The following KIF20B variants were observed in gnomAD, a reference collection of about 807,000 sequenced individuals.
KIF20B encodes kinesin-like protein KIF20B.
In KIF20B, 188 loss-of-function variants were observed where a neutral mutation model predicts 232.5. The ratio of observed to expected loss-of-function variants is 0.81; its 90% CI spans 0.72 to 0.91. KIF20B has a LOEUF of 0.91. Among genes scored for constraint, KIF20B ranks in the 40% least tolerant of loss-of-function variants. The pLI is 0.00. For missense variants in KIF20B, 2,154 were observed against 2,055.9 expected, an observed-to-expected ratio of 1.05 and a Z score of -0.92; for synonymous variants, 712 against 683.0, an observed-to-expected ratio of 1.04 and a Z score of -0.66.
chr10:89,703,563 C>G (rs1025603974), intron 1 of KIF20B, among the ~76,000 whole-genome samples: 2 of 152,098 alleles, frequency 1.3e-5, no homozygotes, highest in Non-Finnish European at 2.9e-5. Context: ...ATCATAGAAA[C>G]TCTCAAGGGC....
chr10:89,745,786 C>CTA, intron 22 of KIF20B, 113 bp from the exon 23 acceptor site: 1 of 683,100 alleles, frequency 1.5e-6, no homozygotes, highest in East Asian at 2.8e-5. Context: ...GGTATACCAG[C>CTA]TATATAGGAG....
intron 29 of KIF20B, among the ~76,000 whole-genome samples, chr10:89,763,929 GT>G (rs1215873509): frequency 1.3e-5 from 2 of 148,388 alleles, no homozygotes; most frequent in Non-Finnish European, 3.0e-5. Flanking sequence ...AAGTTTTAGG[GT>G]ACATGTGCAC....
In KIF20B at chr10:89,741,760, C is replaced by T. The variant is rs577587542; in HGVS notation, c.3916-2048C>T. 9.2e-5 allele frequency among the ~76,000 whole-genome samples: 14 copies of T among 152,244 alleles called. No homozygotes were observed. The South Asian group carries it at 2.9e-3, about 32-fold the overall frequency. On this transcript the variant is annotated intron_variant, in intron 21 of 32. Coordinates refer to ENST00000371728, the MANE Select transcript of KIF20B (RefSeq NM_001284259.2). ...AGGAATAAACAGTTCAATTGCAGGT[C>T]ATTCTGAGTAGTGGGTCAAAAGCTT...
chr10:89,725,296 A>T (rs1202725974), intron 15 of KIF20B, 138 bp downstream of exon 15: 2 of 802,958 alleles, frequency 2.5e-6, no homozygotes, highest in East Asian at 5.6e-5. Context: ...ATAATTAGGC[A>T]TGTTTTTTTA....
intron 27 of KIF20B, among the ~76,000 whole-genome samples, chr10:89,759,590 A>G (rs1481474738): frequency 6.6e-6 from 1 of 152,136 alleles, no homozygotes. Context: ...TTGTTTAATA[A>G]TATATCCTAG....
At chr10:89,718,438 G>A (rs1842980709) in intron 11 of KIF20B, among the ~76,000 whole-genome samples, 1 of 152,192 alleles carries the variant, frequency 6.6e-6, no homozygotes, top group African/African-American at 2.4e-5. Flanking sequence ...TTGAGCCTAA[G>A]ATGTTGAGGC....
At chr10:89,718,329 G>A (rs1842978119) in intron 11 of KIF20B, among the ~76,000 whole-genome samples, 3 of 151,836 alleles carry the variant, frequency 2.0e-5, no homozygotes, top group Admixed American at 2.0e-4. Context: ...TTCAAGACCA[G>A]CCTCATCTCT....
rs1419734004 is a variant in KIF20B, at chr10:89,772,562, G to A, written c.5243-127G>A. ...CATGCCCTTTCACCATATATATATT[G>A]CAGTGTTTTTAGTTTGTGTATGTTC... On this transcript the variant is annotated intron_variant, in intron 31 of 32. Coordinates refer to ENST00000371728, the MANE Select transcript of KIF20B (RefSeq NM_001284259.2). The A allele has an allele frequency of 5.7e-6, 3 of 527,684 alleles. No individual in the cohort carries two copies. In the East Asian group the frequency reaches 9.4e-5, roughly 17 times the overall value. 32.7% of individuals were successfully genotyped at this position (527,684 alleles called of 1,614,324 possible). A position where few individuals can be genotyped will look rare whatever the true frequency, so the allele number is the denominator to read the frequency against.
In KIF20B at chr10:89,705,345, T is replaced by C. The variant is rs1842700862; in HGVS notation, c.51T>C (p.Phe17=). Residue 17 remains phenylalanine (F), a synonymous_variant, in exon 2 of 33, where the codon TTT becomes TTC. Transcript: ENST00000371728. ...GAGTACCTCGACCATCTTATGTTTT[T>C]AGTGCTGACCCAATTGCAAGGCCTT... The part of the protein sequence containing the change: ...QEGVPRPSYV[F]SADPIARPSE... 6.2e-7 allele frequency: 1 copy of C among 1,613,948 alleles called. No individual in the cohort carries two copies. The highest frequency in any genetic ancestry group is 1.3e-5 in the African/African-American group (1 of 74,936).
In KIF20B at chr10:89,738,244, C is replaced by T; in HGVS notation, c.3403C>T (p.Leu1135Phe). Reference sequence around the variant, plus strand: ...AGAATTGCAAGAAAAAAATGTTACTCTTGATGTTCAAATACAGCATGTAGT... The same window carrying T: ...AGAATTGCAAGAAAAAAATGTTACTTTTGATGTTCAAATACAGCATGTAGT... ...KEELQEKNVT[L>F]DVQIQHVVEG... Residue 1135 changes from leucine to phenylalanine, a missense_variant, in exon 20 of 33, where the codon CTT (leucine) becomes TTT (phenylalanine). Leu to Phe is a conservative substitution (Grantham distance 22). Transcript: ENST00000371728. The T allele has an allele frequency of 6.2e-7, 1 of 1,606,596 alleles. No homozygotes were observed. The highest frequency in any genetic ancestry group is 1.3e-5 in the African/African-American group (1 of 74,332).
chr10:89,709,080 T>G (rs1842785177), intron 2 of KIF20B, 87 bp from the exon 3 acceptor site: 1 of 832,840 alleles, frequency 1.2e-6, no homozygotes. Context: ...CAGATTATTA[T>G]GTAAAAAGTA....
At chr10:89,704,002 C>T (rs950964477) in intron 1 of KIF20B, among the ~76,000 whole-genome samples, 2 of 152,148 alleles carry the variant, frequency 1.3e-5, no homozygotes, top group African/African-American at 4.8e-5. Flanking sequence ...CCACCCACCT[C>T]GGCCTCCCAA....
intron 1 of KIF20B, among the ~76,000 whole-genome samples, chr10:89,702,718 T>C (rs1842636953): frequency 1.3e-5 from 2 of 151,838 alleles, no homozygotes; most frequent in Non-Finnish European, 2.9e-5. Flanking sequence ...TCTTGGAGCC[T>C]GCTGTCACGA....
At chr10:89,761,040 T>G (rs371166490) in intron 28 of KIF20B, among the ~76,000 whole-genome samples, 5 of 152,208 alleles carry the variant, frequency 3.3e-5, no homozygotes, top group African/African-American at 1.2e-4. Flanking sequence ...TAATTTGTAT[T>G]GGGCTTAGGG....
chr10:89,762,557 G>C, intron 28 of KIF20B, 81 bp from the exon 29 acceptor site: 1 of 1,032,692 alleles, frequency 9.7e-7, no homozygotes, highest in Non-Finnish European at 1.4e-6. Context: ...GTCTTGGATA[G>C]GCATTTGAGA....
chr10:89,762,634 G>C lies in KIF20B; in HGVS notation c.4792-4G>C, dbSNP rs760455212. The stretch of plus-strand genomic sequence containing the variant: ...AATATTTTTCCTTTTACATTCTGTT[G>C]TAGGATGGATCTGTAGTCCTTGACT... On this transcript the variant is annotated splice_region_variant and splice_polypyrimidine_tract_variant and intron_variant, in intron 28 of 32. Transcript: ENST00000371728. 2.5e-6 allele frequency: 4 copies of C among 1,606,252 alleles called. No individual in the cohort carries two copies. Among genetic ancestry groups the C allele is most frequent in the African/African-American group, 1.3e-5 (1 of 74,700 alleles).
At chr10:89,730,322 A>G (rs1275655427) in intron 18 of KIF20B, among the ~76,000 whole-genome samples, 1 of 152,186 alleles carries the variant, frequency 6.6e-6, no homozygotes, top group Non-Finnish European at 1.5e-5. Flanking sequence ...ACACTTGTGG[A>G]GTGTCCAACG....
At chr10:89,731,242 G>A (rs1843311888) in intron 18 of KIF20B, among the ~76,000 whole-genome samples, 1 of 152,126 alleles carries the variant, frequency 6.6e-6, no homozygotes, top group African/African-American at 2.4e-5. Flanking sequence ...AATTTCACAT[G>A]GGATTATATT....
Position 89,743,837 on chromosome 10 carries a change from A to G in KIF20B, c.3945A>G (p.Leu1315=). 6.5e-7 allele frequency: 1 copy of G among 1,540,338 alleles called. No homozygotes were observed. Residue 1315 remains leucine, a synonymous_variant, in exon 22 of 33, where the codon TTA becomes TTG. Coordinates refer to ENST00000371728, the MANE Select transcript of KIF20B (RefSeq NM_001284259.2). The part of the protein sequence containing the change: ...EVSVMRDEDK[L]LRIKINELEK... ...CTGTAATGCGTGATGAGGATAAATTACTGAGGATTAAAATTAATGAACTGG... is the reference window on the plus strand; with the variant it reads ...CTGTAATGCGTGATGAGGATAAATTGCTGAGGATTAAAATTAATGAACTGG...
Sources: allele counts gnomAD v4.1 joint callset (sites outside exome capture counted in the v4.1 genomes callset), GRCh38; gene constraint gnomAD v4.1.1; transcripts MANE v1.5; gene names NCBI Gene and HGNC (gene_info 2026-07-23, HGNC 2026-07-21).